Variants in CSMD1 observed in about 807,000 individuals in gnomAD.
CSMD1 encodes CUB and Sushi multiple domains 1, also known as CUB and sushi domain-containing protein 1.
A neutral mutation model predicts 417.5 loss-of-function variants in CSMD1; 213 were observed. The observed-to-expected ratio is 0.51, with a 90% confidence interval of 0.46 to 0.57. CSMD1 has a LOEUF of 0.57. Among genes scored for constraint, CSMD1 ranks in the 20% least tolerant of loss-of-function variants. The probability of loss-of-function intolerance (pLI) is 0.00; values close to 1 mark genes in which losing one functional copy is unlikely to be tolerated. For synonymous variants in CSMD1, 2,862 were observed against 1,736.8 expected (o/e 1.65, Z -16.11); for missense variants, 6,923 against 4,529.7 (o/e 1.53, Z -15.17).
At chr8:4,570,991 C>A (rs1359592045) in intron 2 of CSMD1, among the ~76,000 whole-genome samples, 1 of 151,814 alleles carries the variant, frequency 6.6e-6, no homozygotes, top group Non-Finnish European at 1.5e-5. Flanking sequence ...TGGTGATATC[C>A]CTTTATCTTT....
intron 3 of CSMD1, among the ~76,000 whole-genome samples, chr8:4,102,502 T>G (rs1801357181): frequency 6.6e-6 from 1 of 152,164 alleles, no homozygotes; most frequent in Non-Finnish European, 1.5e-5. Context: ...CAGAATTCTT[T>G]GAAAACTTAG....
chr8:4,134,700 A>G (rs557287666), intron 3 of CSMD1, among the ~76,000 whole-genome samples: 1 of 152,270 alleles, frequency 6.6e-6, no homozygotes, highest in East Asian at 1.9e-4. Context: ...ATTTCTGTGA[A>G]CCACACCACT....
At chr8:4,462,729 CAAG>C (rs1563202186) in intron 2 of CSMD1, among the ~76,000 whole-genome samples, 4 of 152,120 alleles carry the variant, frequency 2.6e-5, no homozygotes, top group African/African-American at 9.6e-5. Context: ...CCAAAACAAT[CAAG>C]AAAAAAATAG....
intron 5 of CSMD1, among the ~76,000 whole-genome samples, chr8:3,771,632 G>C (rs1395877076): frequency 6.6e-6 from 1 of 152,116 alleles, no homozygotes; most frequent in Non-Finnish European, 1.5e-5. Context: ...GGTGACAGAA[G>C]CCAGTGCTGA....
intron 1 of CSMD1, among the ~76,000 whole-genome samples, chr8:4,874,854 T>G (rs112386555): frequency 0.013 from 1,870 of 148,982 alleles, 52 homozygotes; most frequent in African/African-American, 0.044. Context: ...TATATAATAT[T>G]AAATATAGTA....
Position 3,241,763 on chromosome 8 carries a change from T to G in CSMD1, c.4154-11532A>C, listed in dbSNP as rs551803037. 1.8e-4 allele frequency among the ~76,000 whole-genome samples: 28 copies of G among 152,206 alleles called. No homozygotes were observed. In the South Asian group the frequency reaches 5.4e-3, roughly 29 times the overall value. The stretch of plus-strand genomic sequence containing the variant: ...TGGAAGTTCTTGTGTGCTGGAGATG[T>G]GGCTGGGGTTTGTCTCACAGTGGAG... On this transcript the variant is annotated intron_variant, in intron 26 of 69. Transcript: ENST00000635120.
At chr8:4,687,987 G>C (rs1316649677) in intron 1 of CSMD1, among the ~76,000 whole-genome samples, 1 of 152,070 alleles carries the variant, frequency 6.6e-6, no homozygotes, top group Non-Finnish European at 1.5e-5. Flanking sequence ...ACTGCTTCTT[G>C]ATTCTATCTG....
At chr8:4,154,039 C>T (rs1796702890) in intron 3 of CSMD1, among the ~76,000 whole-genome samples, 1 of 152,152 alleles carries the variant, frequency 6.6e-6, no homozygotes, top group Non-Finnish European at 1.5e-5. Flanking sequence ...AGCTTGCTGC[C>T]ACATTTGTTT....
intron 1 of CSMD1, among the ~76,000 whole-genome samples, chr8:4,874,323 G>T (rs183982497): frequency 1.3e-5 from 2 of 151,156 alleles, no homozygotes; most frequent in African/African-American, 4.9e-5. Context: ...ATTTTAATTT[G>T]CAGTACTTAT....
chr8:4,019,483 T>A (rs1475906900), intron 4 of CSMD1, among the ~76,000 whole-genome samples: 1 of 152,000 alleles, frequency 6.6e-6, no homozygotes, highest in African/African-American at 2.4e-5. Flanking sequence ...CCCACTGTTT[T>A]ACTGGGGCCC....
intron 4 of CSMD1, among the ~76,000 whole-genome samples, chr8:4,029,065 G>A (rs1349690186): frequency 1.3e-5 from 2 of 152,182 alleles, no homozygotes; most frequent in Non-Finnish European, 2.9e-5. Context: ...GACTGACAGT[G>A]TTGAAAGAGT....
chr8:3,006,109 G>A (rs1267605313), intron 52 of CSMD1, among the ~76,000 whole-genome samples: 2 of 150,654 alleles, frequency 1.3e-5, no homozygotes, highest in South Asian at 2.1e-4. Flanking sequence ...AAAATCACAA[G>A]CATTCTTATA....
At chr8:4,120,215 A>T (rs868636461) in intron 3 of CSMD1, among the ~76,000 whole-genome samples, 2 of 152,198 alleles carry the variant, frequency 1.3e-5, no homozygotes, top group Non-Finnish European at 1.5e-5. Context: ...AAAATAAAAA[A>T]AATTAATTGG....
At chr8:4,111,504 G>T (rs1482313597) in intron 3 of CSMD1, among the ~76,000 whole-genome samples, 1 of 152,142 alleles carries the variant, frequency 6.6e-6, no homozygotes, top group Non-Finnish European at 1.5e-5. Context: ...CAATAGCAAA[G>T]ACATGGAATC....
chr8:4,399,742 T>G (rs969080432), intron 3 of CSMD1, among the ~76,000 whole-genome samples: 1 of 152,182 alleles, frequency 6.6e-6, no homozygotes, highest in Non-Finnish European at 1.5e-5. Flanking sequence ...GACTTTTGTT[T>G]TATACATCAG....
Position 4,292,414 on chromosome 8 carries a change from G to A in CSMD1, c.415+127539C>T, listed in dbSNP as rs926838479. On this transcript the variant is annotated intron_variant, in intron 3 of 69. Transcript: ENST00000635120. ...ACTACAGGTGCCCGCCACCACGCCC[G>A]GCTAATTTTTTGTGTTTTTAATACA... Among the ~76,000 whole-genome samples the A allele has an allele frequency of 3.3e-5, 5 of 152,032 alleles. 1 individual carries two copies. The highest frequency in any genetic ancestry group is 2.1e-4 in the South Asian group (1 of 4,814).
chr8:4,919,534 C>T (rs1030589235), intron 1 of CSMD1, among the ~76,000 whole-genome samples: 46 of 152,222 alleles, frequency 3.0e-4, no homozygotes, highest in African/African-American at 1.0e-3. Flanking sequence ...TGCATTAGTT[C>T]CAGATCTTTC....
intron 2 of CSMD1, among the ~76,000 whole-genome samples, chr8:4,460,718 A>G (rs1373431214): frequency 6.6e-6 from 1 of 152,194 alleles, no homozygotes; most frequent in African/African-American, 2.4e-5. Flanking sequence ...GACTACAAAA[A>G]TACAAATTAC....
chr8:3,934,936 C>T (rs182415828), intron 5 of CSMD1, among the ~76,000 whole-genome samples: 1 of 152,060 alleles, frequency 6.6e-6, no homozygotes, highest in Non-Finnish European at 1.5e-5. Flanking sequence ...GAGTAGAGGG[C>T]ATATAAAAGT....
Sources: allele counts gnomAD v4.1 joint callset (sites outside exome capture counted in the v4.1 genomes callset), GRCh38; gene constraint gnomAD v4.1.1; transcripts MANE v1.5; gene names NCBI Gene and HGNC (gene_info 2026-07-23, HGNC 2026-07-21).